Variants in RYR3 observed in about 807,000 individuals in gnomAD.
RYR3 encodes ryanodine receptor 3.
A neutral mutation model predicts 584.3 loss-of-function variants in RYR3; 207 were observed. The observed-to-expected ratio is 0.35, with a 90% confidence interval of 0.32 to 0.40. The LOEUF is 0.40. Among genes scored for constraint, RYR3 ranks in the 10% least tolerant of loss-of-function variants. The pLI is 1.00. For synonymous variants in RYR3, 2,416 were observed against 2,248.5 expected, an observed-to-expected ratio of 1.07 and a Z score of -2.11; for missense variants, 5,616 against 6,089.2, an observed-to-expected ratio of 0.92 and a Z score of 2.59.
chr15:33,848,823 CCTCT>C (rs2078891815), intron 94 of RYR3, among the ~76,000 whole-genome samples: 2 of 130,342 alleles, frequency 1.5e-5, no homozygotes, highest in African/African-American at 3.1e-5. Context: ...TCTCTGAAGT[CCTCT>C]TTTTTTTTTT....
chr15:33,748,195 G>C lies in RYR3; in HGVS notation c.8071G>C (p.Glu2691Gln). ...AVGWTVERTKEGEALVQQREN... is the reference protein window; with the variant it reads ...AVGWTVERTKQGEALVQQREN... ...GGGCTGGACTGTGGAGAGGACCAAA[G>C]AGGGAGAAGCTTTGGTTCAACAGCG... is the stretch of plus-strand genomic sequence containing the variant. Residue 2691 changes from glutamate to glutamine, a missense_variant, in exon 54 of 104, where the codon GAG (glutamate) becomes CAG (glutamine). Glu to Gln is a conservative substitution (Grantham distance 29, BLOSUM62 2). This residue lies in a region of RYR3 where 1,280 missense variants were observed against 1,426.2 expected (regional missense o/e 0.90). Coordinates refer to ENST00000634891, the MANE Select transcript of RYR3 (RefSeq NM_001036.6). The C allele has an allele frequency of 1.9e-6, 3 of 1,614,018 alleles. No homozygotes were observed. The highest frequency in any genetic ancestry group is 2.5e-6 in the Non-Finnish European group (3 of 1,179,876).
rs1400322514 is a variant in RYR3, at chr15:33,412,019, G to A, written c.52-61400G>A. ...GTCTGTCAAGAAATCTCATATTACT[G>A]TGAAGGTAATATCCAACTTAGGTTC... On this transcript the variant is annotated intron_variant, in intron 1 of 103. Coordinates refer to ENST00000634891, the MANE Select transcript of RYR3 (RefSeq NM_001036.6). The surrounding 1 kb of genome is among the most constrained non-coding windows in gnomAD (Gnocchi z 4.3). Among the ~76,000 whole-genome samples the A allele has an allele frequency of 6.6e-6, 1 of 152,148 alleles. No individual in the cohort carries two copies. The highest frequency in any genetic ancestry group is 2.4e-5 in the African/African-American group (1 of 41,450).
At chr15:33,321,835 G>T (rs1052688637) in intron 1 of RYR3, among the ~76,000 whole-genome samples, 1 of 152,154 alleles carries the variant, frequency 6.6e-6, no homozygotes, top group African/African-American at 2.4e-5. Flanking sequence ...AACATTTTAA[G>T]TTGTAAATAG....
intron 67 of RYR3, among the ~76,000 whole-genome samples, chr15:33,798,694 T>C (rs900698537): frequency 4.6e-5 from 7 of 152,158 alleles, no homozygotes; most frequent in African/African-American, 1.7e-4. Context: ...CTGAACAAAA[T>C]GGGGTTTGTT....
intron 8 of RYR3, among the ~76,000 whole-genome samples, chr15:33,544,551 C>G (rs1398308415): frequency 6.6e-6 from 1 of 152,174 alleles, no homozygotes; most frequent in African/African-American, 2.4e-5. Flanking sequence ...AGGTCACACA[C>G]TGGCTGATTT....
intron 70 of RYR3, among the ~76,000 whole-genome samples, chr15:33,810,024 A>G (rs964477359): frequency 6.6e-6 from 1 of 152,258 alleles, no homozygotes; most frequent in East Asian, 1.9e-4. Flanking sequence ...TCGGGAGGCC[A>G]TGGTGAGGTG....
chr15:33,514,868 G>A (rs2053366813), intron 3 of RYR3, among the ~76,000 whole-genome samples: 1 of 152,064 alleles, frequency 6.6e-6, no homozygotes, highest in African/African-American at 2.4e-5. Flanking sequence ...GCCAGGCATG[G>A]TGGCGGGCGC....
intron 43 of RYR3, among the ~76,000 whole-genome samples, chr15:33,714,542 G>A (rs778331362): frequency 6.6e-6 from 1 of 152,156 alleles, no homozygotes; most frequent in Non-Finnish European, 1.5e-5. Context: ...ATGTGTTTGG[G>A]TGTCTGTGAT....
intron 1 of RYR3, among the ~76,000 whole-genome samples, chr15:33,426,489 A>T (rs1002501230): frequency 6.6e-6 from 1 of 152,214 alleles, no homozygotes; most frequent in Non-Finnish European, 1.5e-5. Context: ...TGCTCCTGGA[A>T]GTAGTACTTT....
At chr15:33,630,463 G>C (rs1339893937) in intron 22 of RYR3, among the ~76,000 whole-genome samples, 2 of 152,140 alleles carry the variant, frequency 1.3e-5, no homozygotes, top group East Asian at 3.8e-4. Context: ...AACTTCTCTA[G>C]CCTAAATTGT....
intron 27 of RYR3, among the ~76,000 whole-genome samples, chr15:33,638,326 T>A (rs1243424080): frequency 1.3e-5 from 2 of 152,110 alleles, no homozygotes; most frequent in African/African-American, 4.8e-5. Flanking sequence ...TGCAGTCCCC[T>A]CCCTCTGAGG....
At chr15:33,381,350 A>G (rs551088902) in intron 1 of RYR3, among the ~76,000 whole-genome samples, 76 of 152,314 alleles carry the variant, frequency 5.0e-4, no homozygotes, top group Middle Eastern at 3.4e-3. Context: ...AGGAAGTGCT[A>G]TGAGGTCAGG....
At chr15:33,805,471 T>C (rs76230396) in intron 69 of RYR3, among the ~76,000 whole-genome samples, 126 of 17,434 alleles carry the variant, frequency 7.2e-3, no homozygotes, top group South Asian at 0.062. Flanking sequence ...TTCTCTCTCT[T>C]TTTTTTTTTT....
chr15:33,787,581 T>C (rs2074815628), intron 66 of RYR3, among the ~76,000 whole-genome samples: 3 of 152,078 alleles, frequency 2.0e-5, no homozygotes, highest in Admixed American at 2.0e-4. Flanking sequence ...CTTTCTCTGA[T>C]TGCTTGTTTC....
At chr15:33,776,558 A>T (rs912607816) in intron 64 of RYR3, among the ~76,000 whole-genome samples, 2 of 152,184 alleles carry the variant, frequency 1.3e-5, no homozygotes, top group African/African-American at 2.4e-5. Context: ...CCCTTTGACC[A>T]ATTATTTCTG....
rs766152538 is a variant in RYR3 at position 33,724,060 on chromosome 15, C to G, written c.6801-5C>G. ...CTCACACCTCCCCTCTGTTGGTTCT[C>G]TCAGCAGCACGGGGGACGATGAAGA... On this transcript the variant is annotated splice_polypyrimidine_tract_variant and splice_region_variant and intron_variant, in intron 44 of 103. Transcript: ENST00000634891. The G allele has an allele frequency of 1.9e-6, 3 of 1,573,330 alleles. No individual in the cohort carries two copies. The East Asian group carries it at 6.7e-5, about 35-fold the overall frequency.
chr15:33,673,453 A>G (rs2063968475), intron 38 of RYR3, among the ~76,000 whole-genome samples: 1 of 152,256 alleles, frequency 6.6e-6, no homozygotes, highest in Admixed American at 6.5e-5. Flanking sequence ...GAAAGCTGTT[A>G]CAATATTATC....
chr15:33,795,464 G>C (rs2075556202), intron 67 of RYR3, among the ~76,000 whole-genome samples: 1 of 134,098 alleles, frequency 7.5e-6, no homozygotes, highest in Admixed American at 8.6e-5. Flanking sequence ...GCATGATCTT[G>C]GCTCACTGTA....
chr15:33,568,715 G>A (rs2057854357), intron 12 of RYR3, among the ~76,000 whole-genome samples: 1 of 152,100 alleles, frequency 6.6e-6, no homozygotes, highest in African/African-American at 2.4e-5. Flanking sequence ...ATAGGCATGA[G>A]CCACCATCCC....
Sources: gnomAD v4.1 joint callset for allele counts (sites outside exome capture counted in the v4.1 genomes callset) on GRCh38, gnomAD v4.1.1 for gene constraint, gnomAD v4.1.1 regional missense constraint, Gnocchi (gnomAD v3.1) non-coding constraint, MANE v1.5 for transcripts, NCBI Gene and HGNC (gene_info 2026-07-23, HGNC 2026-07-21) for gene names.